Variants in DGAT2 observed in about 807,000 individuals in gnomAD.
DGAT2 encodes acyl-CoA retinol O-fatty-acyltransferase.
DGAT2 carries 33 observed loss-of-function variants against 48.4 expected under a neutral mutation model. That is an observed-to-expected ratio of 0.68 (90% CI 0.52 to 0.91). DGAT2 has a LOEUF of 0.91. DGAT2 is among the 40% of genes least tolerant of loss of function. The pLI is 0.00. For synonymous variants in DGAT2, 191 were observed against 194.1 expected (o/e 0.98, Z 0.13); for missense variants, 446 against 493.7 (o/e 0.90, Z 0.92).
chr11:75,791,199 G>A (rs981650787), intron 4 of DGAT2, among the ~76,000 whole-genome samples: 11 of 152,250 alleles, frequency 7.2e-5, no homozygotes, highest in Admixed American at 5.9e-4. Context: ...GGCAGCACGT[G>A]AATGTGAAAG....
At chr11:75,796,900 C>G (rs1047849138) in intron 5 of DGAT2, 3 of 451,322 alleles carry the variant, frequency 6.6e-6, no homozygotes, top group Non-Finnish European at 1.2e-5. Context: ...ACCGACTTGG[C>G]AGAATTAGGG....
In DGAT2 at chr11:75,788,192, T is replaced by C. The variant is rs182447346; in HGVS notation, c.251-1996T>C. Among the ~76,000 whole-genome samples the C allele has an allele frequency of 3.3e-5, 5 of 152,274 alleles. No homozygotes were observed. In the East Asian group the frequency reaches 9.6e-4, roughly 29 times the overall value. On this transcript the variant is annotated intron_variant, in intron 2 of 7. Transcript: ENST00000228027. The stretch of plus-strand genomic sequence containing the variant: ...GGAGCATCCACCTAGAGGATGCCAC[T>C]AGAGGAGCCTGGATGCCTGTAGAGT...
chr11:75,770,745 C>A (rs1265573645), intron 1 of DGAT2, among the ~76,000 whole-genome samples: 1 of 152,040 alleles, frequency 6.6e-6, no homozygotes, highest in African/African-American at 2.4e-5. Flanking sequence ...TTTAACCAAG[C>A]CACTTAATAT....
At chr11:75,785,599 C>T (rs1944912989) in intron 2 of DGAT2, among the ~76,000 whole-genome samples, 1 of 152,238 alleles carries the variant, frequency 6.6e-6, no homozygotes, top group Non-Finnish European at 1.5e-5. Context: ...CCCCTGTGCT[C>T]TCAGCATAGC....
intron 1 of DGAT2, among the ~76,000 whole-genome samples, chr11:75,774,689 C>G (rs993382115): frequency 6.6e-6 from 1 of 152,162 alleles, no homozygotes; most frequent in Non-Finnish European, 1.5e-5. Context: ...TCAGCTTCTC[C>G]TTGTGAAAAT....
chr11:75,788,030 C>T (rs1565317176), intron 2 of DGAT2, among the ~76,000 whole-genome samples: 1 of 152,184 alleles, frequency 6.6e-6, no homozygotes, highest in Non-Finnish European at 1.5e-5. Flanking sequence ...GAGAGACCAG[C>T]CCTCTAAGCA....
chr11:75,796,570 T>G, intron 5 of DGAT2, 38 bp downstream of exon 5: 1 of 1,594,366 alleles, frequency 6.3e-7, no homozygotes, highest in Non-Finnish European at 8.6e-7. Context: ...TGGGCACTGT[T>G]GTCAAGGCCT....
intron 1 of DGAT2, among the ~76,000 whole-genome samples, chr11:75,774,504 G>A (rs1944787069): frequency 6.6e-6 from 1 of 152,198 alleles, no homozygotes; most frequent in Non-Finnish European, 1.5e-5. Context: ...CTTCCCATGT[G>A]ACCTTGGGTA....
chr11:75,796,062 G>C (rs926705833), intron 4 of DGAT2: 4 of 463,224 alleles, frequency 8.6e-6, no homozygotes, highest in African/African-American at 5.9e-5. Context: ...AAGAAGAGCT[G>C]CTGTGTGCAT....
intron 1 of DGAT2, among the ~76,000 whole-genome samples, chr11:75,772,129 G>A (rs1258417682): frequency 6.6e-6 from 1 of 152,200 alleles, no homozygotes; most frequent in Non-Finnish European, 1.5e-5. Context: ...TAGGTGCTCA[G>A]TGGTTTGCTG....
rs763923457 is a variant in DGAT2 at position 75,798,245 on chromosome 11, C to A, written c.828C>A (p.Ile276=). Residue 276 remains isoleucine, a synonymous_variant, in exon 7 of 8, where the codon ATC becomes ATA. Transcript: ENST00000228027. ...CTTCCAGAGCTGACCTGGTTCCCAT[C>A]TACTCCTTTGGAGAGAATGAAGTGT... ...ALRHGADLVP[I]YSFGENEVYK... The A allele has an allele frequency of 3.7e-6, 6 of 1,614,198 alleles. No homozygotes were observed. In the Admixed American group the frequency reaches 1.0e-4, roughly 27 times the overall value.
At chr11:75,782,362 T>A (rs1342791411) in intron 1 of DGAT2, among the ~76,000 whole-genome samples, 1 of 152,242 alleles carries the variant, frequency 6.6e-6, no homozygotes, top group Non-Finnish European at 1.5e-5. Flanking sequence ...CTGATGCTGC[T>A]GTTCCCAGAC....
intron 2 of DGAT2, among the ~76,000 whole-genome samples, chr11:75,785,938 A>G (rs1944918200): frequency 6.6e-6 from 1 of 152,258 alleles, no homozygotes; most frequent in Admixed American, 6.5e-5. Flanking sequence ...AACTCAGTGC[A>G]TTCCCCAGGG....
rs367571298 is a variant in DGAT2 at position 75,790,232 on chromosome 11, T to G, written c.295T>G (p.Cys99Gly). 4.3e-6 allele frequency: 7 copies of G among 1,614,168 alleles called. 1 individual carries two copies. The South Asian group carries it at 7.7e-5, about 18-fold the overall frequency. Residue 99 changes from cysteine (C) to glycine (G), a missense_variant, in exon 3 of 8, where the codon TGC (cysteine) becomes GGC (glycine). By Grantham distance (159) the Cys-to-Gly change is radical (BLOSUM62 -3). Coordinates refer to ENST00000228027, the MANE Select transcript of DGAT2 (RefSeq NM_032564.5). Reference sequence around the variant, plus strand: ...CCTCATGTACATATTCTGCACTGATTGCTGGCTCATCGCTGTGCTCTACTT... The same window carrying G: ...CCTCATGTACATATTCTGCACTGATGGCTGGCTCATCGCTGTGCTCTACTT... ...AILMYIFCTD[C>G]WLIAVLYFTW...
chr11:75,790,254 A>G lies in DGAT2; in HGVS notation c.317A>G (p.Tyr106Cys), dbSNP rs777324584. The G allele has an allele frequency of 1.2e-6, 2 of 1,613,956 alleles. No homozygotes were observed. The highest frequency in any genetic ancestry group is 8.5e-7 in the Non-Finnish European group (1 of 1,180,028). ...GATTGCTGGCTCATCGCTGTGCTCTACTTCACTTGGCTGGTGTTTGACTGG... is the reference window on the plus strand; with the variant it reads ...GATTGCTGGCTCATCGCTGTGCTCTGCTTCACTTGGCTGGTGTTTGACTGG... ...CTDCWLIAVL[Y>C]FTWLVFDWNT... The change falls in exon 3 of 8, where the codon TAC becomes TGC. Residue 106 changes from tyrosine to cysteine, a missense_variant. Transcript: ENST00000228027.
chr11:75,775,461 G>A (rs1221617167), intron 1 of DGAT2, among the ~76,000 whole-genome samples: 1 of 152,206 alleles, frequency 6.6e-6, no homozygotes, highest in African/African-American at 2.4e-5. Flanking sequence ...AAACAGAACC[G>A]TTAAAGCGAA....
chr11:75,778,925 TAG>T (rs1035834305), intron 1 of DGAT2, among the ~76,000 whole-genome samples: 11 of 151,410 alleles, frequency 7.3e-5, no homozygotes, highest in Admixed American at 7.2e-4. Flanking sequence ...AAACCAAAGC[TAG>T]AGTTAGGTGA....
intron 2 of DGAT2, among the ~76,000 whole-genome samples, chr11:75,786,949 A>G (rs1049760487): frequency 2.0e-5 from 3 of 152,238 alleles, no homozygotes; most frequent in African/African-American, 4.8e-5. Context: ...ATATCTATAC[A>G]TTAAAAAAGC....
chr11:75,772,807 G>A (rs1303507252), intron 1 of DGAT2, among the ~76,000 whole-genome samples: 1 of 152,098 alleles, frequency 6.6e-6, no homozygotes, highest in African/African-American at 2.4e-5. Flanking sequence ...GGCTGACATG[G>A]TAAAACCCCT....
Sources: gnomAD v4.1 joint callset for allele counts (sites outside exome capture counted in the v4.1 genomes callset) on GRCh38, gnomAD v4.1.1 for gene constraint, MANE v1.5 for transcripts, NCBI Gene and HGNC (gene_info 2026-07-23, HGNC 2026-07-21) for gene names.